The following RAD18 variants were observed in gnomAD, a reference collection of about 807,000 sequenced individuals.
The protein encoded by RAD18 is E3 ubiquitin-protein ligase RAD18.
A neutral mutation model predicts 60.4 loss-of-function variants in RAD18; 47 were observed. That is an observed-to-expected ratio of 0.78 (90% confidence interval 0.62 to 0.99). RAD18 has a LOEUF of 0.99. RAD18 is among the 50% of genes least tolerant of loss of function. RAD18 has a pLI of 0.00. For missense variants in RAD18, 640 were observed against 593.3 expected, an observed-to-expected ratio of 1.08 and a Z score of -0.82; for synonymous variants, 225 against 195.5, an observed-to-expected ratio of 1.15 and a Z score of -1.26.
intron 11 of RAD18, among the ~76,000 whole-genome samples, chr3:8,896,535 T>C (rs1939787238): frequency 6.6e-6 from 1 of 152,244 alleles, no homozygotes; most frequent in South Asian, 2.1e-4. Flanking sequence ...ACTCAATCAT[T>C]GCCTTACCTG....
chr3:8,949,614 T>A (rs1488973175), intron 2 of RAD18, among the ~76,000 whole-genome samples: 1 of 152,120 alleles, frequency 6.6e-6, no homozygotes, highest in Non-Finnish European at 1.5e-5. Flanking sequence ...CAACTTTTCG[T>A]AGATCCAGCA....
intron 1 of RAD18, 88 bp from the exon 2 acceptor site, chr3:8,959,089 A>G: frequency 1.0e-6 from 1 of 1,002,992 alleles, no homozygotes; most frequent in Non-Finnish European, 1.6e-6. Context: ...CCCCTAAAAA[A>G]AAAATCAAAC....
intron 2 of RAD18, among the ~76,000 whole-genome samples, chr3:8,958,452 G>A (rs959236308): frequency 5.3e-5 from 8 of 152,132 alleles, no homozygotes; most frequent in Admixed American, 1.3e-4. Flanking sequence ...TCTTTCCAGC[G>A]TCACATAGCA....
intron 7 of RAD18, among the ~76,000 whole-genome samples, chr3:8,935,172 A>G (rs1010640522): frequency 5.9e-5 from 9 of 152,242 alleles, no homozygotes; most frequent in African/African-American, 1.9e-4. Flanking sequence ...ACCAAACAAT[A>G]CACTTATAAT....
chr3:8,882,117 T>G (rs1047490561), intron 12 of RAD18, among the ~76,000 whole-genome samples: 4 of 140,750 alleles, frequency 2.8e-5, no homozygotes, highest in African/African-American at 8.2e-5. Context: ...GCCACTTCAG[T>G]GGCTACGGGG....
At chr3:8,898,028 C>T (rs1939822518) in intron 11 of RAD18, among the ~76,000 whole-genome samples, 1 of 151,832 alleles carries the variant, frequency 6.6e-6, no homozygotes, top group Non-Finnish European at 1.5e-5. Context: ...GCCGAAATCG[C>T]ACCACCGCAC....
intron 7 of RAD18, among the ~76,000 whole-genome samples, chr3:8,922,092 A>G (rs1374538167): frequency 6.6e-6 from 1 of 152,168 alleles, no homozygotes; most frequent in Admixed American, 6.5e-5. Context: ...CAGTGGGTGC[A>G]GGACAGTGGG....
At chr3:8,921,937 C>A (rs1161762478) in intron 7 of RAD18, among the ~76,000 whole-genome samples, 1 of 151,982 alleles carries the variant, frequency 6.6e-6, no homozygotes, top group Non-Finnish European at 1.5e-5. Flanking sequence ...AAAAATAGTA[C>A]AAAGAATGAA....
chr3:8,891,422 G>A (rs535213392), intron 11 of RAD18, among the ~76,000 whole-genome samples: 51 of 152,194 alleles, frequency 3.4e-4, no homozygotes, highest in African/African-American at 1.1e-3. Flanking sequence ...TAGAGTCTGT[G>A]ATCAATTTAC....
intron 7 of RAD18, among the ~76,000 whole-genome samples, chr3:8,914,049 G>C (rs1451775991): frequency 3.9e-5 from 6 of 152,142 alleles, no homozygotes; most frequent in African/African-American, 1.4e-4. Flanking sequence ...TTTAGTGTGA[G>C]TTCAATTATT....
At chr3:8,898,609 A>T (rs555999415) in intron 11 of RAD18, among the ~76,000 whole-genome samples, 35 of 152,170 alleles carry the variant, frequency 2.3e-4, no homozygotes, top group Non-Finnish European at 4.4e-4. Context: ...CATCGTCTTG[A>T]CAAAAATTTC....
intron 2 of RAD18, among the ~76,000 whole-genome samples, chr3:8,952,891 T>C (rs916045621): frequency 2.0e-5 from 3 of 152,160 alleles, no homozygotes; most frequent in Non-Finnish European, 4.4e-5. Flanking sequence ...CAGATGCTCC[T>C]TGACTTAACA....
intron 2 of RAD18, among the ~76,000 whole-genome samples, chr3:8,955,381 G>C (rs1043930506): frequency 3.3e-5 from 5 of 152,154 alleles, no homozygotes; most frequent in African/African-American, 1.2e-4. Context: ...AACCCTGCAT[G>C]TTCTAGGTGA....
intron 12 of RAD18, among the ~76,000 whole-genome samples, chr3:8,888,388 G>A (rs1438717992): frequency 6.6e-6 from 1 of 152,220 alleles, no homozygotes; most frequent in Non-Finnish European, 1.5e-5. Context: ...ATGGAGCCAT[G>A]TGTTGCTAAC....
intron 4 of RAD18, among the ~76,000 whole-genome samples, chr3:8,942,778 A>T (rs1940775633): frequency 6.6e-6 from 1 of 152,226 alleles, no homozygotes; most frequent in South Asian, 2.1e-4. Context: ...AGGGAACCCC[A>T]CCAGTCTGCT....
chr3:8,952,833 G>A (rs1256998173), intron 2 of RAD18, among the ~76,000 whole-genome samples: 1 of 152,182 alleles, frequency 6.6e-6, no homozygotes, highest in African/African-American at 2.4e-5. Flanking sequence ...ATGTGGCAAA[G>A]GAAAGCACCA....
intron 2 of RAD18, among the ~76,000 whole-genome samples, chr3:8,953,192 G>A (rs1035322104): frequency 6.7e-6 from 1 of 150,134 alleles, no homozygotes; most frequent in African/African-American, 2.4e-5. Context: ...GTTATATAAT[G>A]TATACTTATA....
chr3:8,919,958 T>G (rs1389285758), intron 7 of RAD18, among the ~76,000 whole-genome samples: 1 of 152,182 alleles, frequency 6.6e-6, no homozygotes, highest in Non-Finnish European at 1.5e-5. Context: ...TAAAAATCTG[T>G]GAATCCATAT....
Position 8,881,145 on chromosome 3 carries a change from A to C in RAD18, c.*212T>G, listed in dbSNP as rs1375498766. ...GTGAAATGTCAGTATTTTTAGAGAG[A>C]GATGTTTTAGAGGCAGGAGGCAACT... On this transcript the variant is annotated 3_prime_UTR_variant, in exon 13 of 13. Coordinates refer to ENST00000264926, the MANE Select transcript of RAD18 (RefSeq NM_020165.4). 2.0e-6 allele frequency: 1 copy of C among 494,330 alleles called. No homozygotes were observed. The highest frequency in any genetic ancestry group is 2.0e-5 in the African/African-American group (1 of 50,396). 30.6% of individuals were successfully genotyped at this position (494,330 alleles called of 1,614,324 possible).
Sources: gnomAD v4.1 joint callset for allele counts (sites outside exome capture counted in the v4.1 genomes callset) on GRCh38, gnomAD v4.1.1 for gene constraint, MANE v1.5 for transcripts, NCBI Gene and HGNC (gene_info 2026-07-23, HGNC 2026-07-21) for gene names.